ZFHX3: variants seen among roughly 807,000 people sequenced by gnomAD.
The protein encoded by ZFHX3 is zinc finger homeobox 3.
In ZFHX3, 42 loss-of-function variants were observed where a neutral mutation model predicts 279.1. The observed-to-expected ratio is 0.15, with a 90% CI of 0.12 to 0.19. ZFHX3 has a LOEUF of 0.19. Among genes scored for constraint, ZFHX3 ranks in the 10% least tolerant of loss-of-function variants. The pLI is 1.00. For missense variants in ZFHX3, 4,981 were observed against 4,754.0 expected (o/e 1.05, Z -1.40); for synonymous variants, 2,293 against 1,957.8 (o/e 1.17, Z -4.52).
chr16:73,420,416 G>A (rs997263540), intron 3 of ZFHX3, among the ~76,000 whole-genome samples: 21 of 152,248 alleles, frequency 1.4e-4, no homozygotes, highest in Non-Finnish European at 2.6e-4. Context: ...ATCTGGCAAC[G>A]TCTTGAGACA....
At chr16:72,925,451 A>T (rs1959397170) in intron 3 of ZFHX3, among the ~76,000 whole-genome samples, 2 of 152,354 alleles carry the variant, frequency 1.3e-5, no homozygotes, top group South Asian at 4.1e-4. Flanking sequence ...AAATTTCAGG[A>T]GGTACAGGCA....
At chr16:72,876,471 C>T (rs1437554545) in intron 4 of ZFHX3, among the ~76,000 whole-genome samples, 1 of 152,164 alleles carries the variant, frequency 6.6e-6, no homozygotes, top group African/African-American at 2.4e-5. Context: ...CATCCCCAGC[C>T]ATCCAACCAC....
chr16:73,250,498 A>G (rs1307521603), intron 5 of ZFHX3, among the ~76,000 whole-genome samples: 1 of 152,194 alleles, frequency 6.6e-6, no homozygotes, highest in Non-Finnish European at 1.5e-5. Flanking sequence ...ATAACCATCT[A>G]GTTGTCCAGT....
intron 3 of ZFHX3, among the ~76,000 whole-genome samples, chr16:73,349,056 A>G (rs968992017): frequency 6.6e-6 from 1 of 152,194 alleles, no homozygotes; most frequent in Non-Finnish European, 1.5e-5. Flanking sequence ...GGGGGCATCA[A>G]TTAATAACAG....
intron 1 of ZFHX3, among the ~76,000 whole-genome samples, chr16:73,780,485 C>T (rs1959430771): frequency 6.6e-6 from 1 of 151,382 alleles, no homozygotes; most frequent in Admixed American, 6.6e-5. Context: ...CTCTGCCACC[C>T]AGGCTGGAGT....
Position 73,526,924 on chromosome 16 carries a change from C to A in ZFHX3, c.-1546-70666G>T, listed in dbSNP as rs551949896. Among the ~76,000 whole-genome samples, 4 of 151,758 alleles carry A rather than the reference C, an allele frequency of 2.6e-5. No individual in the cohort carries two copies. In the East Asian group the frequency reaches 7.7e-4, roughly 29 times the overall value. On this transcript the variant is annotated intron_variant, in intron 2 of 17. Transcript: ENST00000641206. ...TCTTTGATTACATTTACTATACAGT[C>A]CTCATTTTAAGAGACACAAAAGAAT... is the stretch of plus-strand genomic sequence containing the variant.
intron 1 of ZFHX3, among the ~76,000 whole-genome samples, chr16:73,695,263 G>A (rs1316860867): frequency 2.7e-5 from 4 of 149,612 alleles, no homozygotes; most frequent in Admixed American, 6.6e-5. Flanking sequence ...TTGAGATGGG[G>A]TCTTCCTCTG....
intron 4 of ZFHX3, among the ~76,000 whole-genome samples, chr16:72,863,027 TGAGC>T (rs2037923686): frequency 6.6e-6 from 1 of 152,112 alleles, no homozygotes; most frequent in South Asian, 2.1e-4. Context: ...GAGGATCGCT[TGAGC>T]CCAGGAGTTT....
intron 3 of ZFHX3, among the ~76,000 whole-genome samples, chr16:73,377,733 T>C (rs546578431): frequency 6.6e-6 from 1 of 151,852 alleles, no homozygotes; most frequent in South Asian, 2.1e-4. Flanking sequence ...GAGATTTTTG[T>C]ATTTAAATAT....
At chr16:73,876,217 G>A (rs1277637650) in intron 1 of ZFHX3, among the ~76,000 whole-genome samples, 1 of 152,148 alleles carries the variant, frequency 6.6e-6, no homozygotes, top group Non-Finnish European at 1.5e-5. Flanking sequence ...TTATGTTTCT[G>A]GAATGAGTTC....
chr16:73,843,420 C>T (rs1215615782), intron 1 of ZFHX3, among the ~76,000 whole-genome samples: 1 of 152,194 alleles, frequency 6.6e-6, no homozygotes, highest in Non-Finnish European at 1.5e-5. Context: ...CACAAAGAAA[C>T]AAAGCCTTTG....
intron 4 of ZFHX3, among the ~76,000 whole-genome samples, chr16:73,282,828 T>C (rs940110271): frequency 6.6e-6 from 1 of 152,238 alleles, no homozygotes; most frequent in Non-Finnish European, 1.5e-5. Flanking sequence ...AAAATTGTCT[T>C]CCTTTCCTTG....
At chr16:73,137,517 G>A (rs1966814695) in intron 6 of ZFHX3, 2 of 152,026 alleles carry the variant, frequency 1.3e-5, no homozygotes, top group Non-Finnish European at 2.9e-5. Context: ...TTTATTTGAA[G>A]GTTTTATGAT....
At chr16:73,231,348 A>T (rs1418367368) in intron 5 of ZFHX3, among the ~76,000 whole-genome samples, 1 of 152,228 alleles carries the variant, frequency 6.6e-6, no homozygotes, top group Non-Finnish European at 1.5e-5. Flanking sequence ...TGCAAATCCC[A>T]TTCAATACTA....
chr16:73,250,995 G>A (rs1385637919), intron 5 of ZFHX3, among the ~76,000 whole-genome samples: 3 of 151,916 alleles, frequency 2.0e-5, no homozygotes, highest in African/African-American at 7.3e-5. Flanking sequence ...TGAGTCATGT[G>A]TACCATTATT....
Position 73,286,430 on chromosome 16 carries a change from C to T in ZFHX3, c.-1193-29294G>A, listed in dbSNP as rs1396570495. Among the ~76,000 whole-genome samples, 3 of 152,348 alleles carry T rather than the reference C, an allele frequency of 2.0e-5. No homozygotes were observed. In the East Asian group the frequency reaches 5.8e-4, roughly 29 times the overall value. On this transcript the variant is annotated intron_variant, in intron 4 of 17. Coordinates refer to the ZFHX3 transcript ENST00000641206. ...AAGTACGTTCTTCAAATACCTCAAG[C>T]TGTGACCTTAAGTACAAGACTTGAT...
intron 4 of ZFHX3, among the ~76,000 whole-genome samples, chr16:72,871,021 G>T (rs187411083): frequency 5.9e-4 from 90 of 152,138 alleles, no homozygotes; most frequent in South Asian, 1.2e-3. Context: ...TTTATTCTCC[G>T]TCTTTATGGA....
rs140066263 is a variant in ZFHX3 at position 73,280,142 on chromosome 16, A to G, written c.-1193-23006T>C. Among the ~76,000 whole-genome samples the G allele has an allele frequency of 5.8e-4, 89 of 152,322 alleles. 2 individuals carry two copies. Among genetic ancestry groups the G allele is most frequent in the African/African-American group, 2.0e-3 (85 of 41,584 alleles). Reference sequence around the variant, plus strand: ...AACTCAAAATGGATTAAAGACTTAAATGTAAGACCTGACACCATAACACTC... The same window carrying G: ...AACTCAAAATGGATTAAAGACTTAAGTGTAAGACCTGACACCATAACACTC... On this transcript the variant is annotated intron_variant, in intron 4 of 17. Transcript: ENST00000641206.
intron 2 of ZFHX3, among the ~76,000 whole-genome samples, chr16:73,579,603 G>T (rs1484009742): frequency 6.7e-6 from 1 of 150,218 alleles, no homozygotes; most frequent in African/African-American, 2.4e-5. Flanking sequence ...CCGGGTTCAC[G>T]CCATTCTCCT....
Sources: gnomAD v4.1 joint callset for allele counts (sites outside exome capture counted in the v4.1 genomes callset) on GRCh38, gnomAD v4.1.1 for gene constraint, MANE v1.5 for transcripts, NCBI Gene and HGNC (gene_info 2026-07-23, HGNC 2026-07-21) for gene names.